ANO5: variants seen among roughly 807,000 people sequenced by gnomAD.
ANO5 encodes anoctamin 5, also known as anoctamin-5.
ANO5 carries 109 observed loss-of-function variants against 121.0 expected under a neutral mutation model. The observed-to-expected ratio is 0.90, with a 90% CI of 0.77 to 1.06. The LOEUF is 1.06. Among genes scored for constraint, ANO5 ranks in the 50% least tolerant of loss-of-function variants. ANO5 has a pLI of 0.00. For missense variants in ANO5, 1,064 were observed against 1,078.5 expected (o/e 0.99, Z 0.19); for synonymous variants, 406 against 359.9 (o/e 1.13, Z -1.45).
At chr11:22,252,103 G>T (rs551896691) in intron 12 of ANO5, among the ~76,000 whole-genome samples, 1 of 42,576 alleles carries the variant, frequency 2.3e-5, no homozygotes, top group South Asian at 7.0e-4. Context: ...ATCAAAATTT[G>T]TAGTATGTTT....
chr11:22,196,860 T>G (rs1226971509), intron 1 of ANO5, among the ~76,000 whole-genome samples: 1 of 152,012 alleles, frequency 6.6e-6, no homozygotes, highest in Non-Finnish European at 1.5e-5. Flanking sequence ...AGAGTGAGAC[T>G]CCGTCTCAAA....
At chr11:22,242,379 T>A (rs879883503) in intron 9 of ANO5, among the ~76,000 whole-genome samples, 2 of 152,096 alleles carry the variant, frequency 1.3e-5, no homozygotes, top group African/African-American at 2.4e-5. Context: ...TATTTGGCCA[T>A]TTTTATGGTT....
intron 20 of ANO5, among the ~76,000 whole-genome samples, chr11:22,275,167 GA>G (rs963460113): frequency 1.3e-5 from 2 of 151,862 alleles, no homozygotes; most frequent in African/African-American, 4.8e-5. Context: ...GTGAGACAGT[GA>G]AATATAATAT....
At chr11:22,223,208 G>A (rs368877110) in intron 5 of ANO5, among the ~76,000 whole-genome samples, 2 of 151,906 alleles carry the variant, frequency 1.3e-5, no homozygotes, top group East Asian at 3.9e-4. Context: ...GGAATCACAG[G>A]ACTCAGTATA....
In ANO5 at chr11:22,221,343, A is replaced by G. The variant is rs149175626; in HGVS notation, c.294+133A>G. ...TTACTGAAAACTGAAACTGAATGAGATAACTGTAAAGTAGGCAGCCTAAGA... is the reference window on the plus strand; with the variant it reads ...TTACTGAAAACTGAAACTGAATGAGGTAACTGTAAAGTAGGCAGCCTAAGA... On this transcript the variant is annotated intron_variant, in intron 5 of 21. Transcript: ENST00000324559. 170 of 769,016 alleles carry G rather than the reference A, an allele frequency of 2.2e-4. No individual in the cohort carries two copies. In the East Asian group the frequency reaches 4.3e-3, roughly 20 times the overall value. The allele number at this position is 769,016 out of a possible 1,614,324, so 47.6% of individuals were successfully genotyped here.
At chr11:22,201,526 G>A (rs916977043) in intron 1 of ANO5, among the ~76,000 whole-genome samples, 4 of 152,214 alleles carry the variant, frequency 2.6e-5, no homozygotes, top group East Asian at 1.9e-4. Flanking sequence ...GAGAGAGAGT[G>A]TGTTATTCCC....
In ANO5 at chr11:22,282,227, T is replaced by C. The variant is rs1199075841; in HGVS notation, c.*2462T>C. Reference sequence around the variant, plus strand: ...TCTAGGGAACATTTGAGATTTTATGTGAAATAAAATTTTAAGTGCCAAAGC... The same window carrying C: ...TCTAGGGAACATTTGAGATTTTATGCGAAATAAAATTTTAAGTGCCAAAGC... On this transcript the variant is annotated 3_prime_UTR_variant, in exon 22 of 22. Coordinates refer to ENST00000324559, the MANE Select transcript of ANO5 (RefSeq NM_213599.3). The C allele has an allele frequency of 6.6e-6, 1 of 152,138 alleles. No individual in the cohort carries two copies. Among genetic ancestry groups the C allele is most frequent in the Non-Finnish European group, 1.5e-5 (1 of 67,980 alleles). 9.4% of individuals were successfully genotyped at this position (152,138 alleles called of 1,614,324 possible). A position where few individuals can be genotyped will look rare whatever the true frequency, so the allele number is the denominator to read the frequency against.
chr11:22,205,697 A>T (rs1210679049), intron 2 of ANO5, among the ~76,000 whole-genome samples: 3 of 152,178 alleles, frequency 2.0e-5, no homozygotes, highest in Non-Finnish European at 4.4e-5. Flanking sequence ...GGAAAGATAC[A>T]TAAAATTGAC....
At chr11:22,223,713 G>T (rs961359171) in intron 5 of ANO5, among the ~76,000 whole-genome samples, 1 of 151,800 alleles carries the variant, frequency 6.6e-6, no homozygotes, top group Admixed American at 6.6e-5. Context: ...TACCTATTTT[G>T]GGATATTGCT....
chr11:22,266,470 G>T (rs1018203942), intron 17 of ANO5, among the ~76,000 whole-genome samples: 1 of 151,994 alleles, frequency 6.6e-6, no homozygotes, highest in Non-Finnish European at 1.5e-5. Flanking sequence ...TTGCCAACTG[G>T]GGGTTATAAA....
intron 7 of ANO5, among the ~76,000 whole-genome samples, chr11:22,231,282 A>G (rs536092783): frequency 3.2e-4 from 48 of 152,074 alleles, no homozygotes; most frequent in Non-Finnish European, 6.3e-4. Flanking sequence ...TCATCACATC[A>G]TTTTATATTA....
intron 17 of ANO5, among the ~76,000 whole-genome samples, chr11:22,266,126 C>T (rs1441583332): frequency 6.6e-6 from 1 of 152,108 alleles, no homozygotes; most frequent in Non-Finnish European, 1.5e-5. Context: ...ATAGACAAAA[C>T]TATTTTTTAA....
intron 17 of ANO5, among the ~76,000 whole-genome samples, chr11:22,266,680 T>C (rs998795478): frequency 6.6e-6 from 1 of 152,216 alleles, no homozygotes; most frequent in African/African-American, 2.4e-5. Flanking sequence ...TGCTTCTTTT[T>C]TGGTTATATA....
At chr11:22,249,691 A>C (rs144143444) in intron 9 of ANO5, among the ~76,000 whole-genome samples, 185 of 152,238 alleles carry the variant, frequency 1.2e-3, no homozygotes, top group African/African-American at 4.0e-3. Flanking sequence ...GTCATGTTTA[A>C]TTCCTTGGCC....
upstream of ANO5, chr11:22,192,937 C>T: frequency 6.2e-6 from 6 of 971,590 alleles, no homozygotes; most frequent in Non-Finnish European, 7.3e-6. Context: ...AGGAGGGGGC[C>T]AGCGTGGAGC....
chr11:22,223,463 C>G (rs1353590312), intron 5 of ANO5, among the ~76,000 whole-genome samples: 1 of 152,010 alleles, frequency 6.6e-6, no homozygotes. Context: ...GTTACCTTGT[C>G]ACCTTCTGCC....
intron 14 of ANO5, 143 bp downstream of exon 14, chr11:22,257,897 C>CA (rs1854057185): frequency 1.4e-6 from 1 of 699,878 alleles, no homozygotes; most frequent in Admixed American, 2.3e-5. Context: ...AGCTCTTATA[C>CA]AAAATAAACT....
intron 17 of ANO5, among the ~76,000 whole-genome samples, chr11:22,267,279 G>A (rs756033572): frequency 3.3e-5 from 5 of 151,424 alleles, no homozygotes; most frequent in East Asian, 1.9e-4. Flanking sequence ...CTAAATATAC[G>A]TGGATGGGAT....
chr11:22,271,416 T>G (rs1854608686), intron 18 of ANO5, among the ~76,000 whole-genome samples: 1 of 152,228 alleles, frequency 6.6e-6, no homozygotes, highest in Non-Finnish European at 1.5e-5. Flanking sequence ...GAGCCAAAAT[T>G]CTTCATACTT....
Sources: gnomAD v4.1 joint callset for allele counts (sites outside exome capture counted in the v4.1 genomes callset) on GRCh38, gnomAD v4.1.1 for gene constraint, MANE v1.5 for transcripts, NCBI Gene and HGNC (gene_info 2026-07-23, HGNC 2026-07-21) for gene names.